The following DGKB variants were observed in gnomAD, a reference collection of about 807,000 sequenced individuals.
DGKB encodes diacylglycerol kinase beta.
In DGKB, 67 loss-of-function variants were observed where a neutral mutation model predicts 114.3. That is an observed-to-expected ratio of 0.59 (90% CI 0.48 to 0.72). DGKB has a LOEUF of 0.72. DGKB is among the 30% of genes least tolerant of loss of function. DGKB has a pLI of 0.00. For synonymous variants in DGKB, 398 were observed against 323.1 expected (o/e 1.23, Z -2.49); for missense variants, 907 against 975.2 (o/e 0.93, Z 0.93).
chr7:14,885,895 A>AT (rs894510853), intron 1 of DGKB, among the ~76,000 whole-genome samples: 6 of 151,858 alleles, frequency 4.0e-5, no homozygotes, highest in East Asian at 3.9e-4. Flanking sequence ...AATCTACAGA[A>AT]TTTTTTTTCT....
chr7:14,635,190 T>C (rs1273821595), intron 13 of DGKB, among the ~76,000 whole-genome samples: 1 of 151,340 alleles, frequency 6.6e-6, no homozygotes, highest in Non-Finnish European at 1.5e-5. Flanking sequence ...TAACTGTGGT[T>C]ACTTCACTAC....
chr7:14,664,177 G>C (rs1431029842), intron 13 of DGKB, among the ~76,000 whole-genome samples: 1 of 151,980 alleles, frequency 6.6e-6, no homozygotes, highest in Non-Finnish European at 1.5e-5. Flanking sequence ...CTGCACATCA[G>C]TTGAGCCACC....
chr7:14,365,237 G>T (rs1816467626), intron 21 of DGKB, among the ~76,000 whole-genome samples: 1 of 152,018 alleles, frequency 6.6e-6, no homozygotes. Context: ...AAGTTTTGCA[G>T]AATTTTTTTC....
At chr7:14,202,454 C>T (rs1461813253) in intron 23 of DGKB, among the ~76,000 whole-genome samples, 1 of 151,986 alleles carries the variant, frequency 6.6e-6, no homozygotes, top group African/African-American at 2.4e-5. Context: ...TACTTAGCCA[C>T]ACTGTTGAAA....
intron 6 of DGKB, among the ~76,000 whole-genome samples, chr7:14,717,320 A>G (rs571503348): frequency 3.3e-5 from 5 of 152,224 alleles, no homozygotes; most frequent in African/African-American, 1.2e-4. Flanking sequence ...ATATGTTTAT[A>G]ATCATCCCAA....
chr7:14,974,616 T>A (rs1449808177), intron 1 of DGKB: 1 of 152,138 alleles, frequency 6.6e-6, no homozygotes, highest in Non-Finnish European at 1.5e-5. Flanking sequence ...TAGATCCTTA[T>A]GTTATAATGA....
chr7:14,856,687 C>G (rs185387311), intron 1 of DGKB, among the ~76,000 whole-genome samples: 181 of 151,878 alleles, frequency 1.2e-3, no homozygotes, highest in African/African-American at 4.2e-3. Context: ...AAAATTTATT[C>G]ATCTAGTATT....
At chr7:14,353,994 T>C (rs952359115) in intron 21 of DGKB, among the ~76,000 whole-genome samples, 2 of 152,228 alleles carry the variant, frequency 1.3e-5, no homozygotes, top group African/African-American at 4.8e-5. Context: ...TTGCATCAGA[T>C]ATTTTATCAC....
At chr7:14,619,885 T>C (rs1458662218) in intron 15 of DGKB, among the ~76,000 whole-genome samples, 5 of 151,654 alleles carry the variant, frequency 3.3e-5, no homozygotes, top group Admixed American at 2.0e-4. Context: ...ACAAATGATA[T>C]ATGCTTCCCA....
intron 13 of DGKB, among the ~76,000 whole-genome samples, chr7:14,642,351 T>C (rs774410106): frequency 3.3e-5 from 5 of 152,166 alleles, no homozygotes; most frequent in Non-Finnish European, 7.4e-5. Context: ...TGCCATCCTT[T>C]TTCTTTATTT....
intron 20 of DGKB, among the ~76,000 whole-genome samples, chr7:14,519,174 G>A (rs773636861): frequency 2.6e-5 from 4 of 151,994 alleles, no homozygotes; most frequent in Non-Finnish European, 5.9e-5. Flanking sequence ...ATAGAGTTGT[G>A]TAACTATACC....
intron 17 of DGKB, among the ~76,000 whole-genome samples, chr7:14,602,216 A>G (rs1803674034): frequency 6.6e-6 from 1 of 152,182 alleles, no homozygotes; most frequent in Non-Finnish European, 1.5e-5. Context: ...AGAGCAATTT[A>G]GCCCAGGATG....
At chr7:14,378,734 T>G (rs1283624346) in intron 21 of DGKB, among the ~76,000 whole-genome samples, 2 of 152,110 alleles carry the variant, frequency 1.3e-5, no homozygotes, top group Non-Finnish European at 2.9e-5. Context: ...CAGCAGGACA[T>G]ATACTGAAAA....
At chr7:14,927,621 T>C (rs1304856211) in intron 1 of DGKB, among the ~76,000 whole-genome samples, 21 of 152,046 alleles carry the variant, frequency 1.4e-4, no homozygotes, top group Admixed American at 1.4e-3. Context: ...TATATATACT[T>C]TTAAAAAGGT....
At chr7:14,158,533 T>C (rs995309260) in intron 25 of DGKB, among the ~76,000 whole-genome samples, 1 of 152,220 alleles carries the variant, frequency 6.6e-6, no homozygotes, top group Non-Finnish European at 1.5e-5. Context: ...GACTCAGCCA[T>C]AACCTTGGCT....
chr7:14,406,615 T>G (rs1436957155), intron 21 of DGKB, among the ~76,000 whole-genome samples: 7 of 152,012 alleles, frequency 4.6e-5, no homozygotes, highest in African/African-American at 1.7e-4. Context: ...TAAAAAAACA[T>G]GCTCTTAGGT....
intron 15 of DGKB, among the ~76,000 whole-genome samples, chr7:14,615,977 A>C (rs1201063118): frequency 6.6e-6 from 1 of 151,292 alleles, no homozygotes; most frequent in Non-Finnish European, 1.5e-5. Flanking sequence ...TTGGTGAATA[A>C]AGTTTTATGG....
At chr7:14,245,834 A>G (rs1303234896) in intron 23 of DGKB, among the ~76,000 whole-genome samples, 2 of 152,114 alleles carry the variant, frequency 1.3e-5, no homozygotes, top group Non-Finnish European at 2.9e-5. Context: ...AGGTTGAGGC[A>G]GGAGAATTGC....
chr7:14,548,764 G>A (rs1358646273), intron 20 of DGKB, among the ~76,000 whole-genome samples: 1 of 152,092 alleles, frequency 6.6e-6, no homozygotes. Flanking sequence ...AGCAGAGAGA[G>A]CAATTAGGAG....
Sources: allele counts gnomAD v4.1 joint callset (sites outside exome capture counted in the v4.1 genomes callset), GRCh38; gene constraint gnomAD v4.1.1; transcripts MANE v1.5; gene names NCBI Gene and HGNC (gene_info 2026-07-23, HGNC 2026-07-21).